Variants in KLHL32 observed in about 807,000 individuals in gnomAD.
KLHL32 encodes kelch-like protein 32.
A neutral mutation model predicts 64.8 loss-of-function variants in KLHL32; 35 were observed. The ratio of observed to expected loss-of-function variants is 0.54; its 90% CI spans 0.41 to 0.72. The LOEUF is 0.72. Among genes scored for constraint, KLHL32 ranks in the 30% least tolerant of loss-of-function variants. KLHL32 has a pLI of 0.00. For synonymous variants in KLHL32, 259 were observed against 281.0 expected (o/e 0.92, Z 0.78); for missense variants, 589 against 768.5 (o/e 0.77, Z 2.76).
intron 3 of KLHL32, among the ~76,000 whole-genome samples, chr6:96,996,044 C>G (rs927863758): frequency 4.6e-5 from 7 of 152,234 alleles, no homozygotes; most frequent in African/African-American, 1.7e-4. Flanking sequence ...AGCCTCTTCT[C>G]CCTGCTTCCT....
chr6:97,064,713 AC>A lies in KLHL32; in HGVS notation c.399del (p.Tyr134IlefsTer6). The A allele has an allele frequency of 6.2e-7, 1 of 1,613,642 alleles. No homozygotes were observed. The highest frequency in any genetic ancestry group is 8.5e-7 in the Non-Finnish European group (1 of 1,179,514). On this transcript the variant is annotated frameshift_variant, in exon 5 of 11. Transcript: ENST00000369261. LOFTEE classifies it high-confidence loss of function. ...QLLELLNLCS[H>X]YLIQELNSFN... is the part of the protein sequence containing the mutation. ...TTGGAGCTTCTCAATTTATGCTCCC[AC>A]TATCTCATCCAGGTATGTGAGCTTG...
At chr6:96,956,428 A>G (rs1305262915) in intron 1 of KLHL32, among the ~76,000 whole-genome samples, 1 of 152,218 alleles carries the variant, frequency 6.6e-6, no homozygotes, top group African/African-American at 2.4e-5. Context: ...TCTTACCTGT[A>G]TACTATGCTG....
At chr6:96,917,914 G>T in the KLHL32 span, among the ~76,000 whole-genome samples, 1 of 152,122 alleles carries the variant, frequency 6.6e-6, no homozygotes, top group Admixed American at 6.5e-5. Context: ...TAACAGTTGA[G>T]GTCAGATAAT....
chr6:97,026,627 G>A (rs76933782), intron 3 of KLHL32, among the ~76,000 whole-genome samples: 1,583 of 152,120 alleles, frequency 0.01, 32 homozygotes, highest in African/African-American at 0.037. Flanking sequence ...TCGAAGGGAG[G>A]GTCCACACCT....
intron 3 of KLHL32, among the ~76,000 whole-genome samples, chr6:97,020,472 A>G (rs1055453425): frequency 1.3e-5 from 2 of 150,832 alleles, no homozygotes; most frequent in Admixed American, 1.3e-4. Flanking sequence ...TGACAAAATA[A>G]GCACACATTT....
intron 3 of KLHL32, among the ~76,000 whole-genome samples, chr6:97,023,421 T>C (rs972709246): frequency 2.7e-4 from 41 of 152,204 alleles, no homozygotes; most frequent in African/African-American, 9.6e-4. Context: ...ATTTCACAAG[T>C]AAAACTGATT....
chr6:96,920,413 C>T (rs938198086), upstream of KLHL32, among the ~76,000 whole-genome samples: 7 of 152,168 alleles, frequency 4.6e-5, no homozygotes, highest in African/African-American at 1.7e-4. Flanking sequence ...TGGCCTAGGA[C>T]ATGTGTGAGT....
At chr6:97,055,415 C>T (rs933094951) in intron 4 of KLHL32, among the ~76,000 whole-genome samples, 15 of 152,246 alleles carry the variant, frequency 9.9e-5, no homozygotes, top group Middle Eastern at 3.4e-3. Flanking sequence ...CCACTCCCTC[C>T]GACTCTGTCC....
chr6:96,994,311 A>G (rs1778196799), intron 3 of KLHL32, among the ~76,000 whole-genome samples: 1 of 152,244 alleles, frequency 6.6e-6, no homozygotes, highest in Non-Finnish European at 1.5e-5. Flanking sequence ...ATAAAGGCTC[A>G]ATAAATATTT....
intron 7 of KLHL32, among the ~76,000 whole-genome samples, chr6:97,114,939 G>T (rs574207467): frequency 6.6e-6 from 1 of 152,280 alleles, no homozygotes; most frequent in South Asian, 2.1e-4. Context: ...ATTTTTCTGG[G>T]TATATCAATA....
chr6:96,932,790 C>T (rs1483188368), intron 1 of KLHL32, among the ~76,000 whole-genome samples: 1 of 152,020 alleles, frequency 6.6e-6, no homozygotes, highest in African/African-American at 2.4e-5. Flanking sequence ...TGGCTGGTCT[C>T]GAGCTCCTGG....
intron 3 of KLHL32, among the ~76,000 whole-genome samples, chr6:97,039,094 A>C (rs918479231): frequency 5.9e-5 from 9 of 151,372 alleles, no homozygotes; most frequent in African/African-American, 2.2e-4. Flanking sequence ...TGTCTCAAAA[A>C]AAAAAAAAAA....
intron 1 of KLHL32, among the ~76,000 whole-genome samples, chr6:96,959,025 A>T (rs1773593629): frequency 6.6e-6 from 1 of 152,168 alleles, no homozygotes; most frequent in Non-Finnish European, 1.5e-5. Context: ...AAACAAGCAA[A>T]TTATATGCCT....
intron 4 of KLHL32, among the ~76,000 whole-genome samples, chr6:97,054,046 G>GA (rs1274377807): frequency 6.6e-6 from 1 of 152,060 alleles, no homozygotes; most frequent in Non-Finnish European, 1.5e-5. Context: ...GTATTTGTAT[G>GA]AAGCAGCAGT....
intron 7 of KLHL32, among the ~76,000 whole-genome samples, chr6:97,117,186 G>A (rs552365152): frequency 1.3e-5 from 2 of 152,324 alleles, no homozygotes; most frequent in African/African-American, 4.8e-5. Flanking sequence ...AGTTCACCCT[G>A]CCTATCACTG....
chr6:97,123,878 G>C (rs1302240666), intron 7 of KLHL32, among the ~76,000 whole-genome samples: 1 of 152,178 alleles, frequency 6.6e-6, no homozygotes, highest in East Asian at 1.9e-4. Context: ...CTGCAGGCAA[G>C]GGTACTCCAG....
intron 3 of KLHL32, among the ~76,000 whole-genome samples, chr6:96,998,571 G>A (rs1452970190): frequency 6.6e-6 from 1 of 152,126 alleles, no homozygotes; most frequent in Non-Finnish European, 1.5e-5. Flanking sequence ...CCCTGCAGTT[G>A]TCTAATTGGT....
At chr6:96,958,556 G>A (rs140402853) in intron 1 of KLHL32, among the ~76,000 whole-genome samples, 185 of 152,304 alleles carry the variant, frequency 1.2e-3, no homozygotes, top group African/African-American at 4.3e-3. Context: ...CACAAGGCTG[G>A]TAGTGTTGGA....
At chr6:97,059,366 T>G (rs1410791229) in intron 4 of KLHL32, among the ~76,000 whole-genome samples, 2 of 152,212 alleles carry the variant, frequency 1.3e-5, no homozygotes, top group Non-Finnish European at 2.9e-5. Context: ...AGGTTGGGGC[T>G]ACATGGTGAG....
Sources: gnomAD v4.1 joint callset for allele counts (sites outside exome capture counted in the v4.1 genomes callset) on GRCh38, gnomAD v4.1.1 for gene constraint, MANE v1.5 for transcripts, NCBI Gene and HGNC (gene_info 2026-07-23, HGNC 2026-07-21) for gene names.